Variants in APLP2 observed in about 807,000 individuals in gnomAD.
APLP2 encodes the protein CDEI box-binding protein.
APLP2 carries 53 observed loss-of-function variants against 89.9 expected under a neutral mutation model. The observed-to-expected ratio is 0.59, with a 90% CI of 0.47 to 0.74. The LOEUF is 0.74. Among genes scored for constraint, APLP2 ranks in the 30% least tolerant of loss-of-function variants. APLP2 has a pLI of 0.00. For missense variants in APLP2, 973 were observed against 975.9 expected (o/e 1.00, Z 0.04); for synonymous variants, 372 against 348.6 (o/e 1.07, Z -0.75).
chr11:130,069,964 C>A lies in APLP2; in HGVS notation c.-14C>A, dbSNP rs1940533862. ...TGAGCTTGAGAGCCGCGCGCTAGAG[C>A]GACCCGGCGAGGGATGGCGGCCACC... is the stretch of plus-strand genomic sequence containing the variant. On this transcript the variant is annotated 5_prime_UTR_variant, in exon 1 of 17. Coordinates refer to ENST00000338167, the MANE Select transcript of APLP2 (RefSeq NM_001142276.2). 1 of 1,496,266 alleles carries A rather than the reference C, an allele frequency of 6.7e-7. No individual in the cohort carries two copies. The highest frequency in any genetic ancestry group is 2.8e-5 in the East Asian group (1 of 36,124). 92.7% of individuals were successfully genotyped at this position (1,496,266 alleles called of 1,614,324 possible).
chr11:130,114,471 C>G (rs937311416), intron 3 of APLP2: 3 of 152,198 alleles, frequency 2.0e-5, no homozygotes, highest in African/African-American at 7.2e-5. Context: ...TGTTTCATCA[C>G]CTGGCTAAGA....
intron 7 of APLP2, among the ~76,000 whole-genome samples, chr11:130,125,190 T>C (rs989503196): frequency 1.3e-5 from 2 of 152,128 alleles, no homozygotes; most frequent in African/African-American, 4.8e-5. Flanking sequence ...GCTTCATGAG[T>C]GGGTGATTCC....
intron 3 of APLP2, among the ~76,000 whole-genome samples, chr11:130,112,463 G>T (rs988220284): frequency 2.6e-5 from 4 of 152,252 alleles, no homozygotes; most frequent in East Asian, 3.9e-4. Context: ...TAAGTTGTTG[G>T]GTCTAAGGTG....
chr11:130,131,318 T>C (rs1408609950), intron 11 of APLP2, among the ~76,000 whole-genome samples: 1 of 152,306 alleles, frequency 6.6e-6, no homozygotes, highest in African/African-American at 2.4e-5. Context: ...AGGCTGGTCT[T>C]GGGCTCCTGG....
At chr11:130,070,186 G>A in intron 1 of APLP2, 104 bp downstream of exon 1, 1 of 563,540 alleles carries the variant, frequency 1.8e-6, no homozygotes, top group Non-Finnish European at 2.5e-6. Context: ...CGGCGGTGCG[G>A]CGCCGGGGGT....
intron 1 of APLP2, among the ~76,000 whole-genome samples, chr11:130,105,470 T>C (rs1333344943): frequency 6.6e-6 from 1 of 152,190 alleles, no homozygotes; most frequent in Non-Finnish European, 1.5e-5. Context: ...AGGAAAACCA[T>C]GTCATGTATA....
intron 3 of APLP2, among the ~76,000 whole-genome samples, chr11:130,116,480 ATCTTTTTCTTTTTT>A (rs1419651566): frequency 4.6e-5 from 7 of 152,132 alleles, no homozygotes; most frequent in African/African-American, 1.4e-4. Context: ...TAGGGTGTGT[ATCTTTTTCTTTTTT>A]TCTTTTTCTT....
chr11:130,084,956 A>G (rs1189628680), intron 1 of APLP2, among the ~76,000 whole-genome samples: 1 of 152,208 alleles, frequency 6.6e-6, no homozygotes, highest in African/African-American at 2.4e-5. Flanking sequence ...TCAGATATGA[A>G]AGAGGAGACA....
intron 11 of APLP2, among the ~76,000 whole-genome samples, chr11:130,131,733 G>A (rs1591839870): frequency 6.6e-6 from 1 of 152,198 alleles, no homozygotes; most frequent in African/African-American, 2.4e-5. Flanking sequence ...CCAGTTTTGT[G>A]TGAGAGTAGA....
At chr11:130,097,379 C>A (rs779864782) in intron 1 of APLP2, among the ~76,000 whole-genome samples, 1 of 152,190 alleles carries the variant, frequency 6.6e-6, no homozygotes, top group South Asian at 2.1e-4. Flanking sequence ...GAATTTCATG[C>A]CTTTCAGCAT....
At chr11:130,121,939 T>A in intron 5 of APLP2, 129 bp downstream of exon 5, 1 of 1,394,448 alleles carries the variant, frequency 7.2e-7, no homozygotes, top group Non-Finnish European at 9.6e-7. Context: ...TAGAGTTGAT[T>A]AAGCTTGCAT....
At chr11:130,124,756 C>A (rs557762173) in intron 7 of APLP2, among the ~76,000 whole-genome samples, 1 of 152,196 alleles carries the variant, frequency 6.6e-6, no homozygotes, top group Non-Finnish European at 1.5e-5. Flanking sequence ...TTGAGTGCTT[C>A]CCTTCCAGCT....
At chr11:130,126,679 C>A (rs1166466396) in intron 7 of APLP2, 21 bp from the exon 8 acceptor site, 1 of 1,612,734 alleles carries the variant, frequency 6.2e-7, no homozygotes, top group South Asian at 1.1e-5. Flanking sequence ...AAAGAGAACT[C>A]CCTCTGTAAT....
intron 1 of APLP2, among the ~76,000 whole-genome samples, chr11:130,086,200 A>G (rs1436180368): frequency 6.6e-6 from 1 of 152,252 alleles, no homozygotes; most frequent in Non-Finnish European, 1.5e-5. Context: ...CCTTGCCAAC[A>G]GTTACTTTCC....
At chr11:130,137,296 G>A (rs756126071) in intron 13 of APLP2, 1 of 1,613,618 alleles carries the variant, frequency 6.2e-7, no homozygotes, top group Non-Finnish European at 8.5e-7. Context: ...AAAAAGGTTG[G>A]TTTGTCCAAG....
chr11:130,126,569 TAGC>T, intron 7 of APLP2, 128 bp from the exon 8 acceptor site: 1 of 1,046,812 alleles, frequency 9.6e-7, no homozygotes, highest in Non-Finnish European at 1.4e-6. Context: ...TCTTGGCAGA[TAGC>T]AGCACCCTGC....
At chr11:130,070,286 C>T (rs2135257988) in intron 1 of APLP2, among the ~76,000 whole-genome samples, 1 of 151,328 alleles carries the variant, frequency 6.6e-6, no homozygotes, top group South Asian at 2.1e-4. Context: ...CCTCAGCCGC[C>T]GCAGAGGCCA....
chr11:130,071,050 G>A (rs1940970161), intron 1 of APLP2, among the ~76,000 whole-genome samples: 1 of 152,208 alleles, frequency 6.6e-6, no homozygotes, highest in Non-Finnish European at 1.5e-5. Context: ...TTCTCGAAGT[G>A]GTGCTTGAAC....
At chr11:130,128,175 ACT>A (rs1330514438) in intron 9 of APLP2, among the ~76,000 whole-genome samples, 2 of 152,270 alleles carry the variant, frequency 1.3e-5, no homozygotes, top group East Asian at 1.9e-4. Context: ...TTTTTTTAAG[ACT>A]AATTGAAAGT....
Sources: allele counts gnomAD v4.1 joint callset (sites outside exome capture counted in the v4.1 genomes callset), GRCh38; gene constraint gnomAD v4.1.1; transcripts MANE v1.5; gene names NCBI Gene and HGNC (gene_info 2026-07-23, HGNC 2026-07-21).